KCNQ1OT1: variants seen among roughly 807,000 people sequenced by gnomAD.
The protein encoded by KCNQ1OT1 is KCNQ1 opposite strand/antisense transcript 1.
At chr11:2,666,644 G>T in exon 1 of KCNQ1OT1, 1 of 398,682 alleles carries the variant, frequency 2.5e-6, no homozygotes, top group South Asian at 1.3e-4. Flanking sequence ...TGGCTTCATG[G>T]ACCAAGGGGC....
rs1849239123 is a variant in KCNQ1OT1, at chr11:2,624,883, C to T, written n.75112G>A. ...TGTATTTCATTTAACATAATGGCCTCGAGGTTCATCCATGTTGTGGCATGT... is the reference window on the plus strand; with the variant it reads ...TGTATTTCATTTAACATAATGGCCTTGAGGTTCATCCATGTTGTGGCATGT... On this transcript the variant is annotated non_coding_transcript_exon_variant, in exon 1 of 1. Transcript: ENST00000597346. This position sits in a 1 kb window ranked among gnomAD's most constrained non-coding sequence, Gnocchi z 4.9. 2.5e-6 allele frequency: 1 copy of T among 398,308 alleles called. No individual in the cohort carries two copies. The highest frequency in any genetic ancestry group is 1.3e-4 in the South Asian group (1 of 7,840). The allele number at this position is 398,308 out of a possible 1,614,324, so 24.7% of individuals were successfully genotyped here. A position where few individuals can be genotyped will look rare whatever the true frequency, so the allele number is the denominator to read the frequency against.
rs10741670 is a variant in KCNQ1OT1 at position 2,627,061 on chromosome 11, G to T, written n.72934C>A. On this transcript the variant is annotated non_coding_transcript_exon_variant, in exon 1 of 1. Transcript: ENST00000597346. The surrounding 1 kb of genome is among the most constrained non-coding windows in gnomAD (Gnocchi z 4.9). ...GGCCTTCCAATCCATGAACATAGGA[G>T]GTGTTTTCCCTTTATGTCTACTTTA... is the stretch of plus-strand genomic sequence containing the variant. 360,908 of 398,510 alleles carry T rather than the reference G, an allele frequency of 0.91. 163,664 individuals carry two copies. The highest frequency in any genetic ancestry group is 0.99 in the East Asian group (27,855 of 28,054). 24.7% of individuals were successfully genotyped at this position (398,510 alleles called of 1,614,324 possible).
At chr11:2,667,109 G>A (rs539383286) in exon 1 of KCNQ1OT1, 6 of 398,648 alleles carry the variant, frequency 1.5e-5, no homozygotes, top group South Asian at 1.3e-4. Context: ...TAAAACCGAG[G>A]CGTAATGGCT....
exon 1 of KCNQ1OT1, chr11:2,692,364 T>A (rs1044494313): frequency 2.5e-6 from 1 of 398,982 alleles, no homozygotes; most frequent in Non-Finnish European, 4.4e-6. Flanking sequence ...ATCTCCTAAC[T>A]GGCATTCTCA....
chr11:2,640,628 G>A (rs189431488), exon 1 of KCNQ1OT1: 158 of 396,754 alleles, frequency 4.0e-4, no homozygotes, highest in African/African-American at 2.1e-3. Context: ...TACATGCATC[G>A]AATGTGTAAT....
rs1407206610 is a variant in KCNQ1OT1 at position 2,627,804 on chromosome 11, A to C, written n.72191T>G. 1 of 398,282 alleles carries C rather than the reference A, an allele frequency of 2.5e-6. No homozygotes were observed. The highest frequency in any genetic ancestry group is 4.4e-6 in the Non-Finnish European group (1 of 226,064). 24.7% of individuals were successfully genotyped at this position (398,282 alleles called of 1,614,324 possible). A position where few individuals can be genotyped will look rare whatever the true frequency, so the allele number is the denominator to read the frequency against. Reference sequence around the variant, plus strand: ...CTCCATCTGTCATCCAGGCAGGAGTACAGTGGCACAATCACAGTTCACTGT... The same window carrying C: ...CTCCATCTGTCATCCAGGCAGGAGTCCAGTGGCACAATCACAGTTCACTGT... On this transcript the variant is annotated non_coding_transcript_exon_variant, in exon 1 of 1. Transcript: ENST00000597346. The surrounding 1 kb of genome is among the most constrained non-coding windows in gnomAD (Gnocchi z 4.9).
Position 2,671,331 on chromosome 11 carries a change from G to A in KCNQ1OT1, n.28664C>T. On this transcript the variant is annotated non_coding_transcript_exon_variant, in exon 1 of 1. Transcript: ENST00000597346. This position sits in a 1 kb window ranked among gnomAD's most constrained non-coding sequence, Gnocchi z 4.7. Reference sequence around the variant, plus strand: ...TCCCATGTGTGGCTGCAGCCTCAGAGGCTCCCTCTGAAGATGACACTGGGA... The same window carrying A: ...TCCCATGTGTGGCTGCAGCCTCAGAAGCTCCCTCTGAAGATGACACTGGGA... 2.5e-6 allele frequency: 1 copy of A among 398,570 alleles called. No homozygotes were observed. The highest frequency in any genetic ancestry group is 1.3e-4 in the South Asian group (1 of 7,854). 24.7% of individuals were successfully genotyped at this position (398,570 alleles called of 1,614,324 possible).
chr11:2,662,509 T>G, exon 1 of KCNQ1OT1: 1 of 431,038 alleles, frequency 2.3e-6, no homozygotes, highest in Non-Finnish European at 4.1e-6. Context: ...AGGGGCTCCT[T>G]CAGGTGGAGG....
At position 2,682,183 on chromosome 11, in the gene KCNQ1OT1, C is replaced by T. The variant is rs1239795732; in HGVS notation, n.17812G>A. 1.8e-5 allele frequency: 7 copies of T among 398,484 alleles called. No individual in the cohort carries two copies. Among genetic ancestry groups the T allele is most frequent in the Non-Finnish European group, 2.7e-5 (6 of 226,078 alleles). The allele number at this position is 398,484 out of a possible 1,614,324, so 24.7% of individuals were successfully genotyped here. Reference sequence around the variant, plus strand: ...ACATATCAAGCTCTCTCCTGACCTTCTCTCCCCTTCCCCAGGCCAGGACTG... The same window carrying T: ...ACATATCAAGCTCTCTCCTGACCTTTTCTCCCCTTCCCCAGGCCAGGACTG... On this transcript the variant is annotated non_coding_transcript_exon_variant, in exon 1 of 1. Coordinates refer to ENST00000597346, the Ensembl canonical transcript of KCNQ1OT1. The surrounding 1 kb of genome is among the most constrained non-coding windows in gnomAD (Gnocchi z 5.8).
Position 2,647,709 on chromosome 11 carries a change from G to T in KCNQ1OT1, n.52286C>A, listed in dbSNP as rs1411890050. 2.5e-6 allele frequency: 1 copy of T among 398,010 alleles called. No homozygotes were observed. The highest frequency in any genetic ancestry group is 4.4e-6 in the Non-Finnish European group (1 of 225,952). The allele number at this position is 398,010 out of a possible 1,614,324, so 24.7% of individuals were successfully genotyped here. A position where few individuals can be genotyped will look rare whatever the true frequency, so the allele number is the denominator to read the frequency against. On this transcript the variant is annotated non_coding_transcript_exon_variant, in exon 1 of 1. Coordinates refer to ENST00000597346, the Ensembl canonical transcript of KCNQ1OT1. The surrounding 1 kb of genome is among the most constrained non-coding windows in gnomAD (Gnocchi z 4.0). The stretch of plus-strand genomic sequence containing the variant: ...CTCTGTTCAGATTTTTTTTCTTCCT[G>T]GTTCAATCTTGGGAGGTTATATATG...
chr11:2,692,786 A>C (rs1850609538), exon 1 of KCNQ1OT1: 1 of 398,538 alleles, frequency 2.5e-6, no homozygotes, highest in Admixed American at 4.4e-5. Flanking sequence ...TGTTTGACAA[A>C]TATTTCTTGA....
chr11:2,624,849 T>C lies in KCNQ1OT1; in HGVS notation n.75146A>G. On this transcript the variant is annotated non_coding_transcript_exon_variant, in exon 1 of 1. Coordinates refer to ENST00000597346, the Ensembl canonical transcript of KCNQ1OT1. This position sits in a 1 kb window ranked among gnomAD's most constrained non-coding sequence, Gnocchi z 4.9. ...TGGAAACATACAGTACTTCTCTTCT[T>C]GTGACTGCTGTATTTCATTTAACAT... 2.5e-6 allele frequency: 1 copy of C among 398,612 alleles called. No individual in the cohort carries two copies. The highest frequency in any genetic ancestry group is 3.6e-5 in the East Asian group (1 of 28,066). The allele number at this position is 398,612 out of a possible 1,614,324, so 24.7% of individuals were successfully genotyped here.
Position 2,688,503 on chromosome 11 carries a change from T to C in KCNQ1OT1, n.11492A>G, listed in dbSNP as rs11023793. ...CTGCCTCTGGTTGCCCTGCTCTGGGTGATGAGGTAGAGGTCACACAGCCAG... is the reference window on the plus strand; with the variant it reads ...CTGCCTCTGGTTGCCCTGCTCTGGGCGATGAGGTAGAGGTCACACAGCCAG... On this transcript the variant is annotated non_coding_transcript_exon_variant, in exon 1 of 1. Transcript: ENST00000597346. 94,820 of 398,490 alleles carry C rather than the reference T, an allele frequency of 0.24. 12,501 individuals carry two copies. Among genetic ancestry groups the C allele is most frequent in the South Asian group, 0.37 (2,897 of 7,836 alleles). 24.7% of individuals were successfully genotyped at this position (398,490 alleles called of 1,614,324 possible). A position where few individuals can be genotyped will look rare whatever the true frequency, so the allele number is the denominator to read the frequency against.
exon 1 of KCNQ1OT1, chr11:2,625,964 T>G: frequency 2.5e-6 from 1 of 398,654 alleles, no homozygotes; most frequent in Non-Finnish European, 4.4e-6. Context: ...GTATGTGATT[T>G]GCAAATTTTT....
rs530320389 is a variant in KCNQ1OT1, at chr11:2,662,981, G to A, written n.37014C>T. On this transcript the variant is annotated non_coding_transcript_exon_variant, in exon 1 of 1. Coordinates refer to ENST00000597346, the Ensembl canonical transcript of KCNQ1OT1. ...GCCTCCTGCCTTTGCAGCCAGCCAG[G>A]TGCAAGGCCTGGCCTTGCAAATCAC... The A allele has an allele frequency of 3.7e-4, 147 of 398,734 alleles. No individual in the cohort carries two copies. The East Asian group carries it at 5.2e-3, about 14-fold the overall frequency. 24.7% of individuals were successfully genotyped at this position (398,734 alleles called of 1,614,324 possible).
At position 2,624,741 on chromosome 11, in the gene KCNQ1OT1, A is replaced by AC. The variant is rs548814967; in HGVS notation, n.75253dup. Reference sequence around the variant, plus strand: ...ATATCCATTAAACAATAATTCCCCAACCCCCCCACCACCGCCATCTCTTGG... The same window carrying AC: ...ATATCCATTAAACAATAATTCCCCAACCCCCCCCACCACCGCCATCTCTTGG... On this transcript the variant is annotated non_coding_transcript_exon_variant, in exon 1 of 1. Transcript: ENST00000597346. The surrounding 1 kb of genome is among the most constrained non-coding windows in gnomAD (Gnocchi z 4.9). The AC allele has an allele frequency of 6.2e-4, 246 of 397,696 alleles. 1 individual carries two copies. Among genetic ancestry groups the AC allele is most frequent in the African/African-American group, 3.8e-3 (182 of 48,454 alleles). The allele number at this position is 397,696 out of a possible 1,614,324, so 24.6% of individuals were successfully genotyped here.
Position 2,677,451 on chromosome 11 carries a change from C to T in KCNQ1OT1, n.22544G>A, listed in dbSNP as rs775302572. The T allele has an allele frequency of 8.3e-5, 33 of 398,276 alleles. No homozygotes were observed. The highest frequency in any genetic ancestry group is 2.5e-4 in the South Asian group (2 of 7,846). 24.7% of individuals were successfully genotyped at this position (398,276 alleles called of 1,614,324 possible). On this transcript the variant is annotated non_coding_transcript_exon_variant, in exon 1 of 1. Coordinates refer to ENST00000597346, the Ensembl canonical transcript of KCNQ1OT1. This position sits in a 1 kb window ranked among gnomAD's most constrained non-coding sequence, Gnocchi z 4.5. ...GGGAGATGATAATTGATGCAGGTGG[C>T]CTCTTGGTCAAGCAGTGAAACCATG... is the stretch of plus-strand genomic sequence containing the variant.
exon 1 of KCNQ1OT1, chr11:2,688,685 G>A (rs924393332): frequency 1.3e-4 from 50 of 398,952 alleles, no homozygotes; most frequent in African/African-American, 7.2e-4. Flanking sequence ...CACACACCAC[G>A]TGCCTAGGCC....
Position 2,653,873 on chromosome 11 carries a change from G to A in KCNQ1OT1, n.46122C>T. Reference sequence around the variant, plus strand: ...TACCTAAACACTGCACACTAGGAGTGGGAAAGGAAGAGCCCCCTAAGGAAG... The same window carrying A: ...TACCTAAACACTGCACACTAGGAGTAGGAAAGGAAGAGCCCCCTAAGGAAG... On this transcript the variant is annotated non_coding_transcript_exon_variant, in exon 1 of 1. Coordinates refer to ENST00000597346, the Ensembl canonical transcript of KCNQ1OT1. This position sits in a 1 kb window ranked among gnomAD's most constrained non-coding sequence, Gnocchi z 5.3. The A allele has an allele frequency of 2.5e-6, 1 of 398,652 alleles. No individual in the cohort carries two copies. Among genetic ancestry groups the A allele is most frequent in the Non-Finnish European group, 4.4e-6 (1 of 226,090 alleles). The allele number at this position is 398,652 out of a possible 1,614,324, so 24.7% of individuals were successfully genotyped here. A position where few individuals can be genotyped will look rare whatever the true frequency, so the allele number is the denominator to read the frequency against.
Sources: gnomAD v4.1 joint callset for allele counts on GRCh38, gnomAD v4.1.1 for gene constraint, Gnocchi (gnomAD v3.1) non-coding constraint, MANE v1.5 for transcripts, NCBI Gene and HGNC (gene_info 2026-07-23, HGNC 2026-07-21) for gene names.